LCE2A: variants seen among roughly 807,000 people sequenced by gnomAD.
LCE2A encodes late cornified envelope 2A.
For missense variants in LCE2A, 147 were observed against 137.6 expected, an observed-to-expected ratio of 1.07 and a Z score of -0.34; for synonymous variants, 65 against 52.5, an observed-to-expected ratio of 1.24 and a Z score of -1.03.
Position 152,699,150 on chromosome 1 carries a change from G to A in LCE2A, c.249G>A (p.Gln83=), listed in dbSNP as rs751111609. Residue 83 remains glutamine (Q), a synonymous_variant, in exon 2 of 2, where the codon CAG becomes CAA. Transcript: ENST00000368779. The stretch of plus-strand genomic sequence containing the variant: ...GTCTCTTCCACCGGCACCGGCACCA[G>A]AGCCCCGATTGTTGTGAGTGTGAAC... ...RPRLFHRHRH[Q]SPDCCECEPS... is the part of the protein sequence containing the mutation. 6.2e-6 allele frequency: 10 copies of A among 1,613,852 alleles called. No individual in the cohort carries two copies. The highest frequency in any genetic ancestry group is 8.5e-6 in the Non-Finnish European group (10 of 1,180,004).
rs2101524208 is a variant in LCE2A, at chr1:152,699,402, T to C, written c.*180T>C. 1 of 732,882 alleles carries C rather than the reference T, an allele frequency of 1.4e-6. No individual in the cohort carries two copies. Among genetic ancestry groups the C allele is most frequent in the Non-Finnish European group, 2.2e-6 (1 of 446,226 alleles). 45.4% of individuals were successfully genotyped at this position (732,882 alleles called of 1,614,324 possible). ...TGGATCCTGATCTTACCTTCCCACT[T>C]TACCTCATACAACAATAAAGCTCTT... On this transcript the variant is annotated 3_prime_UTR_variant, in exon 2 of 2. Coordinates refer to ENST00000368779, the MANE Select transcript of LCE2A (RefSeq NM_178428.4).
intron 1 of LCE2A, among the ~76,000 whole-genome samples, 177 bp from the exon 2 acceptor site, chr1:152,698,705 A>G (rs918267571): frequency 6.6e-6 from 1 of 152,186 alleles, no homozygotes; most frequent in Admixed American, 6.5e-5. Context: ...TTTCAAGTAT[A>G]TATTTTCATT....
chr1:152,699,400 C>T lies in LCE2A; in HGVS notation c.*178C>T. ...CCTGGATCCTGATCTTACCTTCCCA[C>T]TTTACCTCATACAACAATAAAGCTC... On this transcript the variant is annotated 3_prime_UTR_variant, in exon 2 of 2. Transcript: ENST00000368779. The T allele has an allele frequency of 1.3e-6, 1 of 742,402 alleles. No individual in the cohort carries two copies. Among genetic ancestry groups the T allele is most frequent in the Non-Finnish European group, 2.2e-6 (1 of 454,778 alleles). The allele number at this position is 742,402 out of a possible 1,614,324, so 46.0% of individuals were successfully genotyped here.
chr1:152,698,967 C>T lies in LCE2A; in HGVS notation c.66C>T (p.Pro22=), dbSNP rs1396777339. 1 of 1,614,186 alleles carries T rather than the reference C, an allele frequency of 6.2e-7. No individual in the cohort carries two copies. Among genetic ancestry groups the T allele is most frequent in the East Asian group, 2.2e-5 (1 of 44,872 alleles). The change falls in exon 2 of 2, where the codon CCC becomes CCT. Residue 22 remains proline, a synonymous_variant. Coordinates refer to ENST00000368779, the MANE Select transcript of LCE2A (RefSeq NM_178428.4). The part of the protein sequence containing the change: ...PPPKCPPKCP[P]KCPPKCRPQC... ...CCAAGTGCCCCCCAAAATGCCCACC[C>T]AAGTGTCCTCCAAAGTGCCGACCTC... is the stretch of plus-strand genomic sequence containing the variant.
At position 152,699,061 on chromosome 1, in the gene LCE2A, T is replaced by C. The variant is rs544324398; in HGVS notation, c.160T>C (p.Ser54Pro). 140 of 1,612,388 alleles carry C rather than the reference T, an allele frequency of 8.7e-5. No individual in the cohort carries two copies. In the East Asian group the frequency reaches 2.8e-3, roughly 33 times the overall value. ...TCCCAGCTCTGGGGGCTGCTGCGGCTCCAGCTCTGGGGGCTGCTGCAGCTC... is the reference window on the plus strand; with the variant it reads ...TCCCAGCTCTGGGGGCTGCTGCGGCCCCAGCTCTGGGGGCTGCTGCAGCTC... ...CGPSSGGCCG[S>P]SSGGCCSSGG... The change falls in exon 2 of 2, where the codon TCC (serine) becomes CCC (proline). Residue 54 changes from serine to proline, a missense_variant. Transcript: ENST00000368779.
At chr1:152,698,841 G>T (rs1053020114) in intron 1 of LCE2A, 41 bp from the exon 2 acceptor site, 5 of 1,581,528 alleles carry the variant, frequency 3.2e-6, no homozygotes, top group Admixed American at 3.4e-5. Flanking sequence ...TGCCATCCTT[G>T]GTTTTTCACA....
chr1:152,699,431 C>A lies in LCE2A; in HGVS notation c.*209C>A. The A allele has an allele frequency of 1.6e-6, 1 of 641,380 alleles. No individual in the cohort carries two copies. Among genetic ancestry groups the A allele is most frequent in the South Asian group, 2.3e-5 (1 of 43,532 alleles). 39.7% of individuals were successfully genotyped at this position (641,380 alleles called of 1,614,324 possible). On this transcript the variant is annotated 3_prime_UTR_variant, in exon 2 of 2. Transcript: ENST00000368779. Reference sequence around the variant, plus strand: ...CTCATACAACAATAAAGCTCTTTTGCCTCTTCGTGAAGTACCCTGGCCATT... The same window carrying A: ...CTCATACAACAATAAAGCTCTTTTGACTCTTCGTGAAGTACCCTGGCCATT...
chr1:152,699,356 T>C lies in LCE2A; in HGVS notation c.*134T>C, dbSNP rs1029364973. ...ACCTTGTGAGGTGTTTTGTCTGTTGTCATGGCCCAAGAGCCCATCCTGGAT... is the reference window on the plus strand; with the variant it reads ...ACCTTGTGAGGTGTTTTGTCTGTTGCCATGGCCCAAGAGCCCATCCTGGAT... On this transcript the variant is annotated 3_prime_UTR_variant, in exon 2 of 2. Transcript: ENST00000368779. The C allele has an allele frequency of 8.5e-7, 1 of 1,170,670 alleles. No homozygotes were observed. Among genetic ancestry groups the C allele is most frequent in the South Asian group, 1.6e-5 (1 of 62,946 alleles). 72.5% of individuals were successfully genotyped at this position (1,170,670 alleles called of 1,614,324 possible).
chr1:152,698,866 C>G lies in LCE2A; in HGVS notation c.-20-16C>G, dbSNP rs1649499795. 4 of 1,611,968 alleles carry G rather than the reference C, an allele frequency of 2.5e-6. No individual in the cohort carries two copies. The highest frequency in any genetic ancestry group is 1.7e-4 in the Middle Eastern group (1 of 6,058). On this transcript the variant is annotated splice_polypyrimidine_tract_variant and intron_variant, in intron 1 of 1. Transcript: ENST00000368779. ...GGTTTTTCACAGCTAAAGGGTTTGACTATTTCGAATTTCAGGTTGAAAAAG... is the reference window on the plus strand; with the variant it reads ...GGTTTTTCACAGCTAAAGGGTTTGAGTATTTCGAATTTCAGGTTGAAAAAG...
At position 152,699,062 on chromosome 1, in the gene LCE2A, C is replaced by A; in HGVS notation, c.161C>A (p.Ser54Tyr). Residue 54 changes from serine (S) to tyrosine (Y), a missense_variant, in exon 2 of 2, where the codon TCC becomes TAC. Coordinates refer to ENST00000368779, the MANE Select transcript of LCE2A (RefSeq NM_178428.4). ...CCCAGCTCTGGGGGCTGCTGCGGCT[C>A]CAGCTCTGGGGGCTGCTGCAGCTCT... ...CGPSSGGCCG[S>Y]SSGGCCSSGG... The A allele has an allele frequency of 6.2e-7, 1 of 1,613,860 alleles. No homozygotes were observed. The highest frequency in any genetic ancestry group is 8.5e-7 in the Non-Finnish European group (1 of 1,179,934).
At position 152,698,999 on chromosome 1, in the gene LCE2A, C is replaced by G. The variant is rs376709184; in HGVS notation, c.98C>G (p.Pro33Arg). The G allele has an allele frequency of 1.9e-6, 3 of 1,614,080 alleles. No individual in the cohort carries two copies. In the South Asian group the frequency reaches 3.3e-5, roughly 18 times the overall value. ...KCPPKCRPQC[P>R]APCPPPVSSC... ...CCTCCAAAGTGCCGACCTCAGTGCC[C>G]AGCCCCATGCCCACCTCCAGTCTCT... The change falls in exon 2 of 2, where the codon CCA becomes CGA. Residue 33 changes from proline (P) to arginine (R), a missense_variant. Physicochemically the swap from Pro to Arg is moderately radical, Grantham distance 103. Transcript: ENST00000368779.
chr1:152,698,800 C>G, intron 1 of LCE2A, 82 bp from the exon 2 acceptor site: 2 of 1,166,678 alleles, frequency 1.7e-6, no homozygotes, highest in Non-Finnish European at 2.5e-6. Context: ...TTCACCATCA[C>G]CATATGATTT....
Position 152,699,388 on chromosome 1 carries a change from C to T in LCE2A, c.*166C>T, listed in dbSNP as rs577730044. The T allele has an allele frequency of 5.0e-5, 41 of 825,926 alleles. No homozygotes were observed. The highest frequency in any genetic ancestry group is 3.8e-4 in the South Asian group (20 of 52,906). 51.2% of individuals were successfully genotyped at this position (825,926 alleles called of 1,614,324 possible). A position where few individuals can be genotyped will look rare whatever the true frequency, so the allele number is the denominator to read the frequency against. ...CCAAGAGCCCATCCTGGATCCTGAT[C>T]TTACCTTCCCACTTTACCTCATACA... On this transcript the variant is annotated 3_prime_UTR_variant, in exon 2 of 2. Coordinates refer to ENST00000368779, the MANE Select transcript of LCE2A (RefSeq NM_178428.4).
Position 152,699,047 on chromosome 1 carries a change from G to T in LCE2A, c.146G>T (p.Gly49Val). Residue 49 changes from glycine to valine, a missense_variant, in exon 2 of 2, where the codon GGG becomes GTG. Coordinates refer to ENST00000368779, the MANE Select transcript of LCE2A (RefSeq NM_178428.4). ...TCTTCCTGCTGTGGTCCCAGCTCTG[G>T]GGGCTGCTGCGGCTCCAGCTCTGGG... Reference protein sequence around the residue: ...PVSSCCGPSSGGCCGSSSGGC... With the variant: ...PVSSCCGPSSVGCCGSSSGGC... The T allele has an allele frequency of 6.2e-7, 1 of 1,613,690 alleles. No individual in the cohort carries two copies. Among genetic ancestry groups the T allele is most frequent in the African/African-American group, 1.3e-5 (1 of 74,884 alleles).
At position 152,698,947 on chromosome 1, in the gene LCE2A, T is replaced by A; in HGVS notation, c.46T>A (p.Cys16Ser). The stretch of plus-strand genomic sequence containing the variant: ...GCAGCAGTGCCAGCCCCCTCCCAAG[T>A]GCCCCCCAAAATGCCCACCCAAGTG... ...NQQQCQPPPK[C>S]PPKCPPKCPP... Residue 16 changes from cysteine to serine, a missense_variant, in exon 2 of 2, where the codon TGC (cysteine) becomes AGC (serine). By Grantham distance (112) the Cys-to-Ser change is moderately radical. Transcript: ENST00000368779. 1 of 1,614,084 alleles carries A rather than the reference T, an allele frequency of 6.2e-7. No homozygotes were observed. The highest frequency in any genetic ancestry group is 8.5e-7 in the Non-Finnish European group (1 of 1,180,002).
At position 152,699,082 on chromosome 1, in the gene LCE2A, A is replaced by G. The variant is rs778726292; in HGVS notation, c.181A>G (p.Ser61Gly). The G allele has an allele frequency of 2.4e-5, 39 of 1,613,684 alleles. No homozygotes were observed. Among genetic ancestry groups the G allele is most frequent in the South Asian group, 6.6e-5 (6 of 91,042 alleles). ...CCGSSSGGCC[S>G]SGGGGCCLSH... ...CGGCTCCAGCTCTGGGGGCTGCTGC[A>G]GCTCTGGGGGTGGCGGCTGCTGCCT... The change falls in exon 2 of 2, where the codon AGC becomes GGC. Residue 61 changes from serine (S) to glycine (G), a missense_variant. By Grantham distance (56) the Ser-to-Gly change is moderately conservative. Transcript: ENST00000368779.
In LCE2A at chr1:152,699,269, C is replaced by T; in HGVS notation, c.*47C>T. The T allele has an allele frequency of 6.4e-7, 1 of 1,571,088 alleles. No individual in the cohort carries two copies. The highest frequency in any genetic ancestry group is 8.6e-7 in the Non-Finnish European group (1 of 1,156,988). On this transcript the variant is annotated 3_prime_UTR_variant, in exon 2 of 2. Coordinates refer to ENST00000368779, the MANE Select transcript of LCE2A (RefSeq NM_178428.4). ...GCAACCCTTATGGAGAAACTTGCAA[C>T]CAGGACCTGTCCCAGAGTGATGCTT...
In LCE2A at chr1:152,698,631, T is replaced by A. The variant is rs375794145; in HGVS notation, c.-21+237T>A. ...TTGGGTATGAATACTTTATTCAAGC[T>A]CATGAAGATTAGAAAATACTGCCTA... is the stretch of plus-strand genomic sequence containing the variant. On this transcript the variant is annotated intron_variant, in intron 1 of 1. Transcript: ENST00000368779. 3.3e-5 allele frequency among the ~76,000 whole-genome samples: 5 copies of A among 152,284 alleles called. No individual in the cohort carries two copies. The East Asian group carries it at 7.7e-4, about 24-fold the overall frequency.
In LCE2A at chr1:152,699,088, G is replaced by T. The variant is rs1474103209; in HGVS notation, c.187G>T (p.Gly63Trp). 1.2e-6 allele frequency: 2 copies of T among 1,613,858 alleles called. No homozygotes were observed. Among genetic ancestry groups the T allele is most frequent in the African/African-American group, 1.3e-5 (1 of 74,910 alleles). Residue 63 changes from glycine to tryptophan, a missense_variant, in exon 2 of 2, where the codon GGG (glycine) becomes TGG (tryptophan). By Grantham distance (184) the Gly-to-Trp change is radical (BLOSUM62 -2). Coordinates refer to ENST00000368779, the MANE Select transcript of LCE2A (RefSeq NM_178428.4). ...CAGCTCTGGGGGCTGCTGCAGCTCT[G>T]GGGGTGGCGGCTGCTGCCTGAGCCA... Reference protein sequence around the residue: ...GSSSGGCCSSGGGGCCLSHHR... With the variant: ...GSSSGGCCSSWGGGCCLSHHR...
Sources: allele counts gnomAD v4.1 joint callset (sites outside exome capture counted in the v4.1 genomes callset), GRCh38; gene constraint gnomAD v4.1.1; transcripts MANE v1.5; gene names NCBI Gene and HGNC (gene_info 2026-07-23, HGNC 2026-07-21).